Variants in NSRP1 observed in about 807,000 individuals in gnomAD.
NSRP1 encodes nuclear speckle splicing regulatory protein 1.
In NSRP1, 24 loss-of-function variants were observed where a neutral mutation model predicts 54.7. That is an observed-to-expected ratio of 0.44 (90% CI 0.32 to 0.62). The LOEUF is 0.62. Among genes scored for constraint, NSRP1 ranks in the 20% least tolerant of loss-of-function variants. NSRP1 has a pLI of 0.06. For missense variants in NSRP1, 596 were observed against 651.2 expected, an observed-to-expected ratio of 0.92 and a Z score of 0.92; for synonymous variants, 210 against 213.8, an observed-to-expected ratio of 0.98 and a Z score of 0.15.
Position 30,118,174 on chromosome 17 carries a change from G to A in NSRP1, c.114+1G>A. The A allele has an allele frequency of 6.2e-7, 1 of 1,603,024 alleles. No homozygotes were observed. Among genetic ancestry groups the A allele is most frequent in the Non-Finnish European group, 8.5e-7 (1 of 1,170,336 alleles). On this transcript the variant is annotated splice_donor_variant, in intron 2 of 6. Coordinates refer to ENST00000247026, the MANE Select transcript of NSRP1 (RefSeq NM_032141.4). LOFTEE classifies it high-confidence loss of function. ...GAATGATTCTGATGATGATGATGAG[G>A]TAAGGAAACCTATGTTTTACTCGTG...
intron 2 of NSRP1, chr17:30,122,350 TTCATA>T (rs1303593992): frequency 3.5e-4 from 27 of 78,244 alleles, no homozygotes; most frequent in African/African-American, 1.4e-3. Context: ...TAACTCTGGT[TTCATA>T]TATATATATA....
At chr17:30,128,621 C>A (rs1008137915) in intron 2 of NSRP1, among the ~76,000 whole-genome samples, 3 of 151,340 alleles carry the variant, frequency 2.0e-5, no homozygotes, top group African/African-American at 7.3e-5. Flanking sequence ...CCAATATTTT[C>A]TTTTCTAAAA....
chr17:30,163,938 G>A (rs1321647635), intron 2 of NSRP1, among the ~76,000 whole-genome samples: 2 of 151,734 alleles, frequency 1.3e-5, no homozygotes, highest in Non-Finnish European at 2.9e-5. Context: ...TGCCCTCCTC[G>A]ACCTCCCAAA....
At chr17:30,176,897 C>G (rs1028209078) in intron 3 of NSRP1, among the ~76,000 whole-genome samples, 2 of 152,120 alleles carry the variant, frequency 1.3e-5, no homozygotes, top group Admixed American at 1.3e-4. Flanking sequence ...TATGTAAAAA[C>G]CCTAGTCTAT....
intron 3 of NSRP1, among the ~76,000 whole-genome samples, chr17:30,175,265 C>A (rs1018421362): frequency 2.6e-5 from 4 of 152,108 alleles, no homozygotes. Flanking sequence ...TTGTTTCATG[C>A]AAAACATTTT....
chr17:30,164,019 G>A (rs1025936943), intron 2 of NSRP1, among the ~76,000 whole-genome samples: 2 of 151,402 alleles, frequency 1.3e-5, no homozygotes. Flanking sequence ...TAATGTGTAT[G>A]TGTGTGTGTG....
intron 2 of NSRP1, among the ~76,000 whole-genome samples, chr17:30,139,482 GAGTTTTAT>G (rs2071783273): frequency 6.6e-6 from 1 of 152,006 alleles, no homozygotes; most frequent in Admixed American, 6.6e-5. Flanking sequence ...TTTCTTTCAA[GAGTTTTAT>G]AGTTTTAGCC....
intron 2 of NSRP1, among the ~76,000 whole-genome samples, chr17:30,142,717 A>T (rs2071817463): frequency 6.6e-6 from 1 of 152,206 alleles, no homozygotes; most frequent in Non-Finnish European, 1.5e-5. Context: ...ATATCTGTGC[A>T]GTAATTACTA....
intron 2 of NSRP1, among the ~76,000 whole-genome samples, chr17:30,136,459 G>A (rs556092738): frequency 2.6e-5 from 4 of 152,140 alleles, no homozygotes; most frequent in South Asian, 2.1e-4. Flanking sequence ...ATGGCTTTAC[G>A]TGTTTGATAT....
At chr17:30,148,734 T>C (rs2071879315) in intron 2 of NSRP1, among the ~76,000 whole-genome samples, 1 of 152,220 alleles carries the variant, frequency 6.6e-6, no homozygotes, top group South Asian at 2.1e-4. Context: ...TGGTTCTAAG[T>C]TTGGGCTGTG....
rs143503698 is a variant in NSRP1 at position 30,161,410 on chromosome 17, T to C, written c.115-11132T>C. On this transcript the variant is annotated intron_variant, in intron 2 of 6. Coordinates refer to ENST00000247026, the MANE Select transcript of NSRP1 (RefSeq NM_032141.4). ...TGCACTGTATTAGCACTATTATATA[T>C]ACTGTTTTAATTTATGTGGCTTTAT... is the stretch of plus-strand genomic sequence containing the variant. Among the ~76,000 whole-genome samples the C allele has an allele frequency of 2.6e-5, 4 of 152,340 alleles. No individual in the cohort carries two copies. The East Asian group carries it at 7.7e-4, about 29-fold the overall frequency.
rs147471042 is a variant in NSRP1 at position 30,166,985 on chromosome 17, A to G, written c.115-5557A>G. Among the ~76,000 whole-genome samples, 244 of 152,156 alleles carry G rather than the reference A, an allele frequency of 1.6e-3. 1 individual carries two copies. The highest frequency in any genetic ancestry group is 5.5e-3 in the African/African-American group (230 of 41,528). Reference sequence around the variant, plus strand: ...GTCAAACACTGAATATATTCCTTCTATCTTACTGTATGTTTGTACCCTTTA... The same window carrying G: ...GTCAAACACTGAATATATTCCTTCTGTCTTACTGTATGTTTGTACCCTTTA... On this transcript the variant is annotated intron_variant, in intron 2 of 6. Transcript: ENST00000247026.
At chr17:30,144,324 A>G (rs2071833746) in intron 2 of NSRP1, among the ~76,000 whole-genome samples, 1 of 150,910 alleles carries the variant, frequency 6.6e-6, no homozygotes, top group African/African-American at 2.4e-5. Context: ...GGAGTGGCAC[A>G]ATCTTGGCCC....
intron 2 of NSRP1, among the ~76,000 whole-genome samples, chr17:30,133,987 C>T (rs983390421): frequency 6.6e-6 from 1 of 152,222 alleles, no homozygotes; most frequent in African/African-American, 2.4e-5. Context: ...GCATGCCTTC[C>T]TCAATCAGCT....
chr17:30,144,179 C>A (rs2071831069), intron 2 of NSRP1: 1 of 151,746 alleles, frequency 6.6e-6, no homozygotes. Flanking sequence ...GCTTCTCCCA[C>A]CTTTTGCTGT....
intron 2 of NSRP1, among the ~76,000 whole-genome samples, chr17:30,124,731 G>A (rs1226459391): frequency 6.6e-6 from 1 of 152,204 alleles, no homozygotes; most frequent in Admixed American, 6.5e-5. Context: ...TAGAGAGAAA[G>A]GTTCTCCTAC....
intron 2 of NSRP1, among the ~76,000 whole-genome samples, chr17:30,121,474 A>G (rs752914842): frequency 7.3e-6 from 1 of 136,278 alleles, no homozygotes; most frequent in Non-Finnish European, 1.6e-5. Context: ...TTTTTTGGTC[A>G]TCATTTTCCC....
At chr17:30,179,448 T>TA (rs1567807402) in intron 5 of NSRP1, 151 bp downstream of exon 5, 23 of 1,232,954 alleles carry the variant, frequency 1.9e-5, no homozygotes, top group Non-Finnish European at 2.4e-5. Flanking sequence ...TATGGTATTA[T>TA]ATAGCAGTAT....
intron 1 of NSRP1, 179 bp downstream of exon 1, chr17:30,117,042 T>C: frequency 1.2e-6 from 1 of 858,338 alleles, no homozygotes; most frequent in East Asian, 2.6e-5. Flanking sequence ...TTTTCCCGGA[T>C]GGAAGCCCGA....
Sources: gnomAD v4.1 joint callset for allele counts (sites outside exome capture counted in the v4.1 genomes callset) on GRCh38, gnomAD v4.1.1 for gene constraint, MANE v1.5 for transcripts, NCBI Gene and HGNC (gene_info 2026-07-23, HGNC 2026-07-21) for gene names.